Variants in CCNY observed in about 807,000 individuals in gnomAD.
The protein encoded by CCNY is cyclin-Y.
In CCNY, 19 loss-of-function variants were observed where a neutral mutation model predicts 42.8. That is an observed-to-expected ratio of 0.44 (90% CI 0.31 to 0.65). The LOEUF is 0.65. Ranked by LOEUF, CCNY falls within the 30% of genes least tolerant of loss-of-function variation. CCNY has a pLI of 0.07. For synonymous variants in CCNY, 165 were observed against 162.7 expected (o/e 1.01, Z -0.11); for missense variants, 370 against 437.3 (o/e 0.85, Z 1.37).
intron 1 of CCNY, among the ~76,000 whole-genome samples, chr10:35,384,828 A>G (rs2474530): frequency 0.42 from 64,572 of 152,062 alleles, 14,659 homozygotes; most frequent in African/African-American, 0.58. Flanking sequence ...GGCTTCCGAG[A>G]CAGCAGGCCT....
chr10:35,356,624 C>T (rs1836556222), intron 1 of CCNY, among the ~76,000 whole-genome samples: 1 of 152,116 alleles, frequency 6.6e-6, no homozygotes. Context: ...ATGTTTTACT[C>T]ATACTCTGCT....
intron 3 of CCNY, among the ~76,000 whole-genome samples, chr10:35,285,277 C>A (rs890560697): frequency 1.3e-5 from 2 of 152,114 alleles, no homozygotes; most frequent in Non-Finnish European, 2.9e-5. Context: ...CTCAAGTGAT[C>A]CGCCCACCTC....
At chr10:35,278,153 A>C (rs1835259840) in intron 3 of CCNY, among the ~76,000 whole-genome samples, 1 of 152,066 alleles carries the variant, frequency 6.6e-6, no homozygotes, top group Non-Finnish European at 1.5e-5. Flanking sequence ...CTCTCCAGCA[A>C]GTCTTCCAGC....
intron 1 of CCNY, among the ~76,000 whole-genome samples, chr10:35,349,602 C>G (rs1836384966): frequency 6.6e-6 from 1 of 152,126 alleles, no homozygotes; most frequent in African/African-American, 2.4e-5. Context: ...TGCTAAATCT[C>G]AATTCTTGGT....
chr10:35,412,747 G>C (rs956278312), intron 1 of CCNY, among the ~76,000 whole-genome samples: 1 of 149,632 alleles, frequency 6.7e-6, no homozygotes, highest in East Asian at 2.0e-4. Flanking sequence ...TGTGGTCTCA[G>C]CTACTTGGGA....
intron 1 of CCNY, among the ~76,000 whole-genome samples, chr10:35,354,589 A>T (rs1263587509): frequency 1.3e-5 from 2 of 152,208 alleles, no homozygotes; most frequent in Non-Finnish European, 1.5e-5. Flanking sequence ...TTAATACAAG[A>T]GTGTGAATAC....
chr10:35,337,110 C>T lies in CCNY; in HGVS notation c.57C>T (p.Ala19=), dbSNP rs780317083. 16 of 1,593,778 alleles carry T rather than the reference C, an allele frequency of 1.0e-5. No homozygotes were observed. Among genetic ancestry groups the T allele is most frequent in the Non-Finnish European group, 1.3e-5 (15 of 1,172,100 alleles). ...VSSSPKLRRN[A]HSRLESYRPD... ...CCAGTCCCAAGCTCCGGAGGAATGC[C>T]CACTCCCGGCTGGAGTCCTACCGGC... Residue 19 remains alanine (A), a synonymous_variant, in exon 1 of 10, where the codon GCC becomes GCT. Coordinates refer to ENST00000374704, the MANE Select transcript of CCNY (RefSeq NM_145012.6).
intron 7 of CCNY, among the ~76,000 whole-genome samples, chr10:35,545,655 C>T (rs2135440971): frequency 6.6e-6 from 1 of 152,242 alleles, no homozygotes; most frequent in South Asian, 2.1e-4. Flanking sequence ...TCAACATATG[C>T]ATTTTGGAAG....
At chr10:35,447,741 T>A (rs1838824181) in intron 1 of CCNY, among the ~76,000 whole-genome samples, 1 of 152,216 alleles carries the variant, frequency 6.6e-6, no homozygotes, top group South Asian at 2.1e-4. Flanking sequence ...GGGGAGTTTC[T>A]TGGCTTCCTG....
intron 1 of CCNY, among the ~76,000 whole-genome samples, chr10:35,479,845 G>A (rs1839624999): frequency 6.6e-6 from 1 of 152,046 alleles, no homozygotes; most frequent in Non-Finnish European, 1.5e-5. Context: ...GGTAAACATT[G>A]GGGATATCAT....
rs138918592 is a variant in CCNY, at chr10:35,409,688, G to A, written c.154+72481G>A. On this transcript the variant is annotated intron_variant, in intron 1 of 9. Transcript: ENST00000374704. ...ATAGGAAACACTCCAAAGAGCTTGC[G>A]TTAAAACAAAAATAAGTAAAAATGT... Among the ~76,000 whole-genome samples, 549 of 152,254 alleles carry A rather than the reference G, an allele frequency of 3.6e-3. 3 individuals carry two copies. The highest frequency in any genetic ancestry group is 0.013 in the African/African-American group (526 of 41,528).
At chr10:35,531,164 T>C (rs1226506157) in intron 7 of CCNY, among the ~76,000 whole-genome samples, 1 of 152,266 alleles carries the variant, frequency 6.6e-6, no homozygotes, top group Non-Finnish European at 1.5e-5. Context: ...GAACCCTTTT[T>C]GTCACTGACC....
chr10:35,443,346 AAC>A (rs1838716630), intron 1 of CCNY, among the ~76,000 whole-genome samples: 1 of 152,264 alleles, frequency 6.6e-6, no homozygotes, highest in South Asian at 2.1e-4. Flanking sequence ...TAACAGTTAT[AAC>A]ACAAACACAT....
chr10:35,308,502 T>C (rs982659039), intron 3 of CCNY, among the ~76,000 whole-genome samples: 1 of 152,068 alleles, frequency 6.6e-6, no homozygotes, highest in Non-Finnish European at 1.5e-5. Context: ...CAGTGAGTTA[T>C]GATCCTGTCA....
In CCNY at chr10:35,522,833, C is replaced by A. The variant is rs533866118; in HGVS notation, c.366-3131C>A. Among the ~76,000 whole-genome samples, 17 of 152,298 alleles carry A rather than the reference C, an allele frequency of 1.1e-4. No individual in the cohort carries two copies. In the South Asian group the frequency reaches 3.3e-3, roughly 30 times the overall value. On this transcript the variant is annotated intron_variant, in intron 4 of 9. Transcript: ENST00000374704. ...AAAGATTGTCCTATAACAAAACTTT[C>A]TTGAACATACCCTTAGACCCAGAGT... is the stretch of plus-strand genomic sequence containing the variant.
At chr10:35,324,557 A>C (rs1177762125) in intron 3 of CCNY, among the ~76,000 whole-genome samples, 1 of 152,208 alleles carries the variant, frequency 6.6e-6, no homozygotes, top group Non-Finnish European at 1.5e-5. Flanking sequence ...ATCTCATTGA[A>C]AAGAGTTTGT....
At chr10:35,550,136 C>T (rs1431248214) in intron 7 of CCNY, among the ~76,000 whole-genome samples, 8 of 68,046 alleles carry the variant, frequency 1.2e-4, no homozygotes, top group Non-Finnish European at 1.4e-4. Flanking sequence ...TGTGACCCTG[C>T]GCTGCTCATG....
chr10:35,499,445 G>A (rs1840067114), intron 2 of CCNY, among the ~76,000 whole-genome samples: 1 of 152,138 alleles, frequency 6.6e-6, no homozygotes, highest in African/African-American at 2.4e-5. Flanking sequence ...CACAACATGT[G>A]GGAATTCAAG....
At chr10:35,506,024 T>G (rs1303526771) in intron 3 of CCNY, among the ~76,000 whole-genome samples, 6 of 152,196 alleles carry the variant, frequency 3.9e-5, no homozygotes, top group Admixed American at 1.3e-4. Flanking sequence ...GTCATAAAAG[T>G]CAAGTAATAC....
Sources: gnomAD v4.1 joint callset for allele counts (sites outside exome capture counted in the v4.1 genomes callset) on GRCh38, gnomAD v4.1.1 for gene constraint, MANE v1.5 for transcripts, NCBI Gene and HGNC (gene_info 2026-07-23, HGNC 2026-07-21) for gene names.